Variants in KDM4B observed in about 807,000 individuals in gnomAD.
KDM4B encodes lysine demethylase 4B.
Under a neutral mutation model 125.2 loss-of-function variants are expected in KDM4B, and 32 were observed. The ratio of observed to expected loss-of-function variants is 0.26; its 90% confidence interval spans 0.19 to 0.34. KDM4B has a LOEUF of 0.34. Ranked by LOEUF, KDM4B falls within the 10% of genes least tolerant of loss-of-function variation. KDM4B has a pLI of 1.00. For missense variants in KDM4B, 1,190 were observed against 1,577.7 expected (o/e 0.75, Z 4.16); for synonymous variants, 721 against 677.9 (o/e 1.06, Z -0.99).
chr19:5,033,850 T>G (rs2145625137), intron 3 of KDM4B, among the ~76,000 whole-genome samples: 1 of 151,438 alleles, frequency 6.6e-6, no homozygotes, highest in South Asian at 2.1e-4. Flanking sequence ...ATTCTGCTCG[T>G]CTGGGCATGG....
At chr19:5,038,019 C>T (rs997806459) in intron 3 of KDM4B, among the ~76,000 whole-genome samples, 4 of 152,250 alleles carry the variant, frequency 2.6e-5, no homozygotes, top group African/African-American at 9.6e-5. Context: ...GGATTTTAGC[C>T]GTTCTGGAAG....
intron 9 of KDM4B, among the ~76,000 whole-genome samples, chr19:5,088,665 T>TCCCCCCCCC (rs35143112): frequency 9.6e-6 from 1 of 103,778 alleles, no homozygotes; most frequent in Non-Finnish European, 2.0e-5. Context: ...GCCCCCCCCC[T>TCCCCCCCCC]CCCCCCCCCC....
chr19:5,014,459 G>A (rs1270561185), intron 1 of KDM4B, among the ~76,000 whole-genome samples: 3 of 152,082 alleles, frequency 2.0e-5, no homozygotes, highest in East Asian at 3.9e-4. Flanking sequence ...TGTATTTTTA[G>A]TAGAGACGGG....
At chr19:5,079,867 A>T (rs959699071) in intron 8 of KDM4B, among the ~76,000 whole-genome samples, 1 of 152,072 alleles carries the variant, frequency 6.6e-6, no homozygotes, top group East Asian at 1.9e-4. Context: ...TGCCCGGCCC[A>T]GTAATTAGGT....
chr19:5,034,890 G>A (rs1301271474), intron 3 of KDM4B, among the ~76,000 whole-genome samples: 1 of 152,160 alleles, frequency 6.6e-6, no homozygotes, highest in Non-Finnish European at 1.5e-5. Context: ...GCAGTGCTGC[G>A]ATCACGGCTC....
intron 1 of KDM4B, among the ~76,000 whole-genome samples, chr19:4,983,078 C>T (rs931636126): frequency 6.6e-6 from 1 of 151,700 alleles, no homozygotes; most frequent in Non-Finnish European, 1.5e-5. Context: ...ATCATTTCAG[C>T]ATGTAATCAT....
chr19:5,023,868 ATCC>A (rs1196865325), intron 2 of KDM4B, among the ~76,000 whole-genome samples: 1 of 147,942 alleles, frequency 6.8e-6, no homozygotes, highest in African/African-American at 2.5e-5. Context: ...TGCTCAAGGA[ATCC>A]TCCTGCCTCA....
At chr19:5,120,537 A>T (rs1240071771) in intron 11 of KDM4B, among the ~76,000 whole-genome samples, 1 of 152,146 alleles carries the variant, frequency 6.6e-6, no homozygotes, top group Non-Finnish European at 1.5e-5. Flanking sequence ...GTGAACCAGC[A>T]GTTGTGAACG....
rs2036752829 is a variant in KDM4B, at chr19:5,039,972, T to A, written c.278T>A (p.Met93Lys). ...CAGTACAATATCCAGAAGAAGGCCA[T>A]GACAGTGGGCGAGTACCGCCGCCTG... ...FTQYNIQKKA[M>K]TVGEYRRLAN... Residue 93 changes from methionine to lysine, a missense_variant, in exon 4 of 23, where the codon ATG becomes AAG. Physicochemically the swap from Met to Lys is moderately conservative, Grantham distance 95. Transcript: ENST00000159111. 1 of 1,612,390 alleles carries A rather than the reference T, an allele frequency of 6.2e-7. No homozygotes were observed.
intron 2 of KDM4B, among the ~76,000 whole-genome samples, chr19:5,028,211 G>A (rs745824213): frequency 6.6e-6 from 1 of 152,064 alleles, no homozygotes; most frequent in Non-Finnish European, 1.5e-5. Context: ...TCCTGGGCTA[G>A]AGCACCCCTC....
At chr19:5,117,733 G>A (rs1285617831) in intron 10 of KDM4B, among the ~76,000 whole-genome samples, 1 of 152,144 alleles carries the variant, frequency 6.6e-6, no homozygotes, top group African/African-American at 2.4e-5. Context: ...TGCTCCCTGT[G>A]TTAGTGACTC....
chr19:5,043,954 C>A (rs1406812669), intron 5 of KDM4B, among the ~76,000 whole-genome samples: 1 of 132,408 alleles, frequency 7.6e-6, no homozygotes, highest in African/African-American at 3.0e-5. Context: ...CACTGTATCC[C>A]GCGTGGTGGT....
chr19:4,985,365 A>ACAATACAAGCTGCCGTCATCTC (rs1263704395), intron 1 of KDM4B, among the ~76,000 whole-genome samples: 33 of 152,048 alleles, frequency 2.2e-4, no homozygotes, highest in Non-Finnish European at 1.5e-5. Context: ...TGGAAACAAA[A>ACAATACAAGCTGCCGTCATCTC]CAATACAAGC....
chr19:5,072,731 G>C (rs1041572420), intron 7 of KDM4B, among the ~76,000 whole-genome samples: 11 of 152,168 alleles, frequency 7.2e-5, no homozygotes, highest in South Asian at 2.1e-4. Context: ...AACAACACAC[G>C]TTTATTCTCT....
chr19:5,135,271 G>C, intron 14 of KDM4B, 68 bp from the exon 15 acceptor site: 1 of 1,096,478 alleles, frequency 9.1e-7, no homozygotes, highest in Admixed American at 1.9e-5. Context: ...CCCTGAGAGA[G>C]GTCCGCGCCG....
chr19:5,007,275 A>G (rs1308147888), intron 1 of KDM4B, among the ~76,000 whole-genome samples: 2 of 152,064 alleles, frequency 1.3e-5, no homozygotes, highest in Non-Finnish European at 2.9e-5. Flanking sequence ...CTCCTCTGTC[A>G]TTTTCGGCAT....
intron 9 of KDM4B, among the ~76,000 whole-genome samples, chr19:5,094,630 TG>T (rs2038781374): frequency 1.5e-5 from 1 of 65,742 alleles, no homozygotes; most frequent in Admixed American, 2.0e-4. Context: ...AGGACAGAGG[TG>T]GGGGCACAGG....
At chr19:5,106,309 G>C (rs991445508) in intron 9 of KDM4B, among the ~76,000 whole-genome samples, 1 of 152,206 alleles carries the variant, frequency 6.6e-6, no homozygotes, top group Non-Finnish European at 1.5e-5. Context: ...CAAAAGCAAA[G>C]GACATCTTTG....
intron 6 of KDM4B, among the ~76,000 whole-genome samples, chr19:5,050,371 T>C (rs568022571): frequency 3.7e-4 from 57 of 152,338 alleles, no homozygotes; most frequent in Non-Finnish European, 6.8e-4. Context: ...TCTTTGGCAA[T>C]GCGGATTGAA....
Sources: allele counts gnomAD v4.1 joint callset (sites outside exome capture counted in the v4.1 genomes callset), GRCh38; gene constraint gnomAD v4.1.1; transcripts MANE v1.5; gene names NCBI Gene and HGNC (gene_info 2026-07-23, HGNC 2026-07-21).